The following MYZAP variants were observed in gnomAD, a reference collection of about 807,000 sequenced individuals.
The protein encoded by MYZAP is myocardial zonula adherens protein, also known as GRINL1A complex locus upstream.
MYZAP carries 66 observed loss-of-function variants against 69.4 expected under a neutral mutation model. That is an observed-to-expected ratio of 0.95 (90% CI 0.78 to 1.17). MYZAP has a LOEUF of 1.17. Among genes scored for constraint, MYZAP ranks in the 50% most tolerant of loss-of-function variants. MYZAP has a pLI of 0.00. For missense variants in MYZAP, 611 were observed against 556.2 expected, an observed-to-expected ratio of 1.10 and a Z score of -0.99; for synonymous variants, 256 against 205.9, an observed-to-expected ratio of 1.24 and a Z score of -2.09.
chr15:57,593,795 T>C (rs1395693975), intron 1 of MYZAP, among the ~76,000 whole-genome samples: 2 of 152,030 alleles, frequency 1.3e-5, no homozygotes, highest in East Asian at 3.9e-4. Flanking sequence ...ATCTAAAGGG[T>C]CTAGGGTTCT....
At chr15:57,683,316 A>G (rs1391438414) in intron 12 of MYZAP, among the ~76,000 whole-genome samples, 1 of 152,186 alleles carries the variant, frequency 6.6e-6, no homozygotes, top group East Asian at 1.9e-4. Context: ...CTGAATTTGA[A>G]GGGCAAATGG....
At chr15:57,661,391 AC>A (rs1236412551) in intron 10 of MYZAP, 58 bp from the exon 11 acceptor site, 1 of 1,287,058 alleles carries the variant, frequency 7.8e-7, no homozygotes. Flanking sequence ...CAGTTGATAA[AC>A]CTGTACTTAC....
At chr15:57,654,466 G>A (rs1202502937) in intron 10 of MYZAP, among the ~76,000 whole-genome samples, 1 of 152,086 alleles carries the variant, frequency 6.6e-6, no homozygotes, top group Non-Finnish European at 1.5e-5. Flanking sequence ...TTTACATAAG[G>A]CATTTTTCGT....
intron 5 of MYZAP, among the ~76,000 whole-genome samples, chr15:57,628,071 A>G (rs1179191513): frequency 2.6e-5 from 4 of 152,176 alleles, no homozygotes; most frequent in African/African-American, 4.8e-5. Flanking sequence ...CTGATCATCT[A>G]GACAAGAGCA....
chr15:57,654,642 A>G lies in MYZAP; in HGVS notation c.1120-6808A>G, dbSNP rs151078322. ...AGTTATGTTTCATGAGTCTTGCACAATTGAGTGCTACTCACATGACTACAA... is the reference window on the plus strand; with the variant it reads ...AGTTATGTTTCATGAGTCTTGCACAGTTGAGTGCTACTCACATGACTACAA... On this transcript the variant is annotated intron_variant, in intron 10 of 12. Coordinates refer to ENST00000267853, the MANE Select transcript of MYZAP (RefSeq NM_001018100.5). Among the ~76,000 whole-genome samples the G allele has an allele frequency of 7.3e-3, 1,106 of 152,264 alleles. 17 individuals carry two copies. Among genetic ancestry groups the G allele is most frequent in the African/African-American group, 0.025 (1,059 of 41,544 alleles).
chr15:57,674,716 A>G (rs1185379897), intron 11 of MYZAP, among the ~76,000 whole-genome samples: 1 of 152,238 alleles, frequency 6.6e-6, no homozygotes, highest in Non-Finnish European at 1.5e-5. Context: ...AGATTATAAC[A>G]TAGATTACAA....
chr15:57,639,214 A>AT (rs5812905), intron 9 of MYZAP, among the ~76,000 whole-genome samples: 30,384 of 145,330 alleles, frequency 0.21, 3,827 homozygotes, highest in African/African-American at 0.36. Flanking sequence ...TTATTTATTT[A>AT]TTTTTTTTTT....
rs1595884511 is a variant in MYZAP, at chr15:57,627,798, CAG to C, written c.526-1901_526-1900del. Among the ~76,000 whole-genome samples the C allele has an allele frequency of 3.3e-5, 5 of 152,114 alleles. No homozygotes were observed. The East Asian group carries it at 9.7e-4, about 30-fold the overall frequency. ...TTAGAAAAATCCTGGTCTCTTGGAC[CAG>C]AGTGTAGGTTTTTGTGTGGATACAC... is the stretch of plus-strand genomic sequence containing the variant. On this transcript the variant is annotated intron_variant, in intron 5 of 12. Transcript: ENST00000267853.
Position 57,646,905 on chromosome 15 carries a change from A to G in MYZAP, c.1119+7360A>G, listed in dbSNP as rs1292059798. The G allele has an allele frequency of 3.0e-6, 3 of 985,304 alleles. No homozygotes were observed. The African/African-American group carries it at 5.2e-5, about 17-fold the overall frequency. The allele number at this position is 985,304 out of a possible 1,614,324, so 61.0% of individuals were successfully genotyped here. On this transcript the variant is annotated intron_variant, in intron 10 of 12. Transcript: ENST00000267853. ...CTGAAACATCCTTCATGTATGTTTTATTTTTATAGAGGTCTTTCTTGAGAT... is the reference window on the plus strand; with the variant it reads ...CTGAAACATCCTTCATGTATGTTTTGTTTTTATAGAGGTCTTTCTTGAGAT...
chr15:57,619,312 C>A (rs145730472), intron 3 of MYZAP, among the ~76,000 whole-genome samples: 104 of 152,322 alleles, frequency 6.8e-4, no homozygotes, highest in African/African-American at 2.5e-3. Flanking sequence ...CAACCTTAAA[C>A]TCCTAGTTAT....
At chr15:57,621,766 G>A in intron 4 of MYZAP, 66 bp downstream of exon 4, 3 of 1,478,360 alleles carry the variant, frequency 2.0e-6, no homozygotes, top group Non-Finnish European at 2.8e-6. Context: ...TCCCTCAGTG[G>A]CTAGTGCCTA....
intron 5 of MYZAP, among the ~76,000 whole-genome samples, chr15:57,626,478 T>TGAAG (rs1813146794): frequency 6.6e-6 from 1 of 152,274 alleles, no homozygotes; most frequent in Non-Finnish European, 1.5e-5. Context: ...TTGGTTGATT[T>TGAAG]GGTTTACAGG....
chr15:57,604,672 A>G (rs1035260235), intron 2 of MYZAP, among the ~76,000 whole-genome samples: 2 of 152,170 alleles, frequency 1.3e-5, no homozygotes, highest in African/African-American at 2.4e-5. Context: ...GAAACAGCCC[A>G]ATCCAGTTGC....
At chr15:57,636,132 G>T (rs1032592163) in intron 8 of MYZAP, among the ~76,000 whole-genome samples, 3 of 151,178 alleles carry the variant, frequency 2.0e-5, no homozygotes, top group Non-Finnish European at 3.0e-5. Context: ...TTTCTTTCTT[G>T]TTTTTTGTTT....
chr15:57,599,304 T>A lies in MYZAP; in HGVS notation c.76-4965T>A, dbSNP rs540314497. ...ATTGGTTATTCCAAGTGTTCTTGATTGCCTTGTTTGGGTATATTTCTAGAT... is the reference window on the plus strand; with the variant it reads ...ATTGGTTATTCCAAGTGTTCTTGATAGCCTTGTTTGGGTATATTTCTAGAT... On this transcript the variant is annotated intron_variant, in intron 1 of 12. Transcript: ENST00000267853. 4.2e-4 allele frequency: 98 copies of A among 233,450 alleles called. 2 individuals carry two copies. In the South Asian group the frequency reaches 0.012, roughly 27 times the overall value. 14.5% of individuals were successfully genotyped at this position (233,450 alleles called of 1,614,324 possible).
intron 3 of MYZAP, among the ~76,000 whole-genome samples, chr15:57,619,363 A>G (rs2035671930): frequency 1.3e-5 from 2 of 152,174 alleles, no homozygotes; most frequent in Non-Finnish European, 2.9e-5. Context: ...ATTTTATTGT[A>G]TATTTTCGAG....
intron 1 of MYZAP, among the ~76,000 whole-genome samples, chr15:57,593,188 G>GCATGCGCGCGCGCGCGCGCGCGCGCGCA: frequency 1.8e-5 from 2 of 114,202 alleles, no homozygotes; most frequent in Admixed American, 1.7e-4. Flanking sequence ...GTACACAGGC[G>GCATGCGCGCGCGCGCGCGCGCGCGCGCA]CACACACACA....
At chr15:57,668,375 G>A (rs1470380050) in intron 11 of MYZAP, among the ~76,000 whole-genome samples, 2 of 152,126 alleles carry the variant, frequency 1.3e-5, no homozygotes, top group African/African-American at 4.8e-5. Flanking sequence ...TTTCAAAGGG[G>A]TTGTAGTATT....
chr15:57,600,957 G>A (rs1403992378), intron 1 of MYZAP, among the ~76,000 whole-genome samples: 2 of 152,026 alleles, frequency 1.3e-5, no homozygotes, highest in African/African-American at 4.8e-5. Flanking sequence ...GCATGCCTGT[G>A]GTCCCAGCTA....
Sources: gnomAD v4.1 joint callset for allele counts (sites outside exome capture counted in the v4.1 genomes callset) on GRCh38, gnomAD v4.1.1 for gene constraint, MANE v1.5 for transcripts, NCBI Gene and HGNC (gene_info 2026-07-23, HGNC 2026-07-21) for gene names.